DOCK1: variants seen among roughly 807,000 people sequenced by gnomAD.
DOCK1 encodes dedicator of cytokinesis protein 1.
DOCK1 carries 138 observed loss-of-function variants against 262.7 expected under a neutral mutation model. The ratio of observed to expected loss-of-function variants is 0.53; its 90% CI spans 0.46 to 0.61. DOCK1 has a LOEUF of 0.61. Among genes scored for constraint, DOCK1 ranks in the 20% least tolerant of loss-of-function variants. DOCK1 has a pLI of 0.00. For missense variants in DOCK1, 1,908 were observed against 2,370.7 expected, an observed-to-expected ratio of 0.80 and a Z score of 4.05; for synonymous variants, 866 against 867.4, an observed-to-expected ratio of 1.00 and a Z score of 0.03.
At chr10:127,250,969 A>AC (rs2059615761) in intron 28 of DOCK1, among the ~76,000 whole-genome samples, 1 of 149,342 alleles carries the variant, frequency 6.7e-6, no homozygotes, top group African/African-American at 2.5e-5. Context: ...TCTGACAACG[A>AC]TTTTTTTTTT....
chr10:127,224,757 G>A (rs1359713667), intron 27 of DOCK1, among the ~76,000 whole-genome samples: 1 of 151,564 alleles, frequency 6.6e-6, no homozygotes, highest in African/African-American at 2.4e-5. Flanking sequence ...ATGTTCATAT[G>A]TATCTATATA....
At position 127,100,189 on chromosome 10, in the gene DOCK1, C is replaced by A. The variant is rs1229755376; in HGVS notation, c.2446-6042C>A. Among the ~76,000 whole-genome samples the A allele has an allele frequency of 1.3e-5, 2 of 152,160 alleles. No homozygotes were observed. Among genetic ancestry groups the A allele is most frequent in the Non-Finnish European group, 2.9e-5 (2 of 68,032 alleles). On this transcript the variant is annotated intron_variant, in intron 23 of 51. Transcript: ENST00000623213. The surrounding 1 kb of genome is among the most constrained non-coding windows in gnomAD (Gnocchi z 5.5). The stretch of plus-strand genomic sequence containing the variant: ...GCTCTGGCTGCCCAGTGAGGAGTGT[C>A]CTTGAGGGGTCAGCGTGGAGGCAGG...
At chr10:127,361,406 A>T (rs145361815) in intron 32 of DOCK1, among the ~76,000 whole-genome samples, 2 of 152,000 alleles carry the variant, frequency 1.3e-5, no homozygotes, top group African/African-American at 4.8e-5. Context: ...GAGCCACCAC[A>T]CCCGGCCTAA....
intron 21 of DOCK1, among the ~76,000 whole-genome samples, chr10:127,049,776 G>T: frequency 6.6e-6 from 1 of 151,768 alleles, no homozygotes; most frequent in South Asian, 2.1e-4. Flanking sequence ...CTAAAATACC[G>T]AAATAATATT....
chr10:127,306,042 T>C (rs1376334291), intron 29 of DOCK1, among the ~76,000 whole-genome samples: 6 of 142,678 alleles, frequency 4.2e-5, no homozygotes, highest in African/African-American at 1.3e-4. Flanking sequence ...TGAGACGGAG[T>C]CTCGCTCTGT....
intron 1 of DOCK1, among the ~76,000 whole-genome samples, chr10:126,944,057 G>T (rs1447696724): frequency 4.0e-5 from 6 of 151,352 alleles, no homozygotes; most frequent in Admixed American, 2.0e-4. Flanking sequence ...ACGGGAAGGA[G>T]AGGAGACAGG....
At chr10:127,006,190 C>A (rs749048308) in intron 10 of DOCK1, among the ~76,000 whole-genome samples, 1 of 152,192 alleles carries the variant, frequency 6.6e-6, no homozygotes, top group Non-Finnish European at 1.5e-5. Context: ...GTGAGCAAGT[C>A]ATCCTGATGC....
intron 1 of DOCK1, among the ~76,000 whole-genome samples, chr10:126,911,891 G>A (rs978201211): frequency 1.1e-4 from 17 of 152,196 alleles, no homozygotes; most frequent in Admixed American, 4.6e-4. Context: ...TGGAGCTGAC[G>A]TTGAAATCAC....
At chr10:127,409,911 C>T (rs2067744661) in intron 42 of DOCK1, among the ~76,000 whole-genome samples, 1 of 152,202 alleles carries the variant, frequency 6.6e-6, no homozygotes, top group East Asian at 1.9e-4. Context: ...TTTAAACCTC[C>T]TGAGTCAACT....
intron 21 of DOCK1, among the ~76,000 whole-genome samples, chr10:127,044,016 T>C (rs2044182866): frequency 6.6e-6 from 1 of 152,198 alleles, no homozygotes; most frequent in African/African-American, 2.4e-5. Flanking sequence ...TACCGGCTCT[T>C]TCTTGGTGGA....
At position 127,176,449 on chromosome 10, in the gene DOCK1, C is replaced by T. The variant is rs2489385; in HGVS notation, c.2847+48685C>T. ...GGTGTCAGTGGGACAGAAATACACA[C>T]TCAAGCACCGGCCGCACAAACTTTT... On this transcript the variant is annotated intron_variant, in intron 27 of 51. Transcript: ENST00000623213. The surrounding 1 kb of genome is among the most constrained non-coding windows in gnomAD (Gnocchi z 4.4). 836,168 of 1,456,462 alleles carry T rather than the reference C, an allele frequency of 0.57. 245,133 individuals are homozygous for T. The highest frequency in any genetic ancestry group is 0.76 in the East Asian group (33,199 of 43,700). The allele number at this position is 1,456,462 out of a possible 1,614,324, so 90.2% of individuals were successfully genotyped here.
At chr10:127,281,126 A>G (rs1197592111) in intron 29 of DOCK1, among the ~76,000 whole-genome samples, 1 of 152,236 alleles carries the variant, frequency 6.6e-6, no homozygotes, top group East Asian at 1.9e-4. Context: ...TGGAGGCTCC[A>G]GGGCTTTGCC....
intron 23 of DOCK1, among the ~76,000 whole-genome samples, chr10:127,062,413 C>G (rs1020691005): frequency 2.6e-5 from 4 of 152,148 alleles, no homozygotes; most frequent in Non-Finnish European, 5.9e-5. Flanking sequence ...ATCCTTTCTA[C>G]TTGCTTTTTG....
intron 30 of DOCK1, among the ~76,000 whole-genome samples, chr10:127,342,680 A>G (rs753080852): frequency 1.8e-4 from 28 of 152,218 alleles, no homozygotes; most frequent in Admixed American, 1.1e-3. Flanking sequence ...AACTCTTTGC[A>G]GCTATCTCCT....
intron 27 of DOCK1, among the ~76,000 whole-genome samples, chr10:127,133,852 T>C (rs1445868822): frequency 6.6e-6 from 1 of 152,180 alleles, no homozygotes; most frequent in African/African-American, 2.4e-5. Flanking sequence ...TACCACAGAG[T>C]TGTTTACTTT....
At chr10:127,384,954 A>T in intron 38 of DOCK1, 45 bp downstream of exon 38, 1 of 1,527,362 alleles carries the variant, frequency 6.5e-7, no homozygotes, top group Non-Finnish European at 8.8e-7. Context: ...CTTTCCATGC[A>T]CCTACCTGCA....
chr10:127,032,485 A>C (rs1378510454), intron 18 of DOCK1, among the ~76,000 whole-genome samples, 165 bp downstream of exon 18: 7 of 152,226 alleles, frequency 4.6e-5, no homozygotes. Context: ...AGAAGGTGGC[A>C]TTTGTTCATT....
chr10:127,379,677 T>G (rs2065722154), intron 35 of DOCK1, among the ~76,000 whole-genome samples: 1 of 152,260 alleles, frequency 6.6e-6, no homozygotes, highest in African/African-American at 2.4e-5. Flanking sequence ...CAGAAAGCTT[T>G]AAATCATGTT....
intron 1 of DOCK1, among the ~76,000 whole-genome samples, chr10:126,946,728 G>A (rs981044523): frequency 6.6e-6 from 1 of 152,178 alleles, no homozygotes; most frequent in Non-Finnish European, 1.5e-5. Flanking sequence ...GTTCATCCAT[G>A]TCACAGCACA....
Sources: allele counts gnomAD v4.1 joint callset (sites outside exome capture counted in the v4.1 genomes callset), GRCh38; gene constraint gnomAD v4.1.1; non-coding constraint Gnocchi (gnomAD v3.1); transcripts MANE v1.5; gene names NCBI Gene and HGNC (gene_info 2026-07-23, HGNC 2026-07-21).